ZRANB1: variants seen among roughly 807,000 people sequenced by gnomAD.
ZRANB1 encodes zinc finger RANBP2-type containing 1, also known as ubiquitin thioesterase ZRANB1.
Under a neutral mutation model 80.5 loss-of-function variants are expected in ZRANB1, and 16 were observed. The ratio of observed to expected loss-of-function variants is 0.20; its 90% CI spans 0.13 to 0.30. ZRANB1 has a LOEUF of 0.30. Ranked by LOEUF, ZRANB1 falls within the 10% of genes least tolerant of loss-of-function variation. ZRANB1 has a pLI of 1.00. For missense variants in ZRANB1, 576 were observed against 862.6 expected (o/e 0.67, Z 4.16); for synonymous variants, 291 against 293.1 (o/e 0.99, Z 0.07).
chr10:124,980,955 T>G (rs1343222796), intron 5 of ZRANB1, among the ~76,000 whole-genome samples: 1 of 152,180 alleles, frequency 6.6e-6, no homozygotes, highest in East Asian at 1.9e-4. Context: ...AGGAACAGAT[T>G]GGTCTTTTGT....
chr10:124,941,016 A>AAAAC (rs764620899), upstream of ZRANB1, among the ~76,000 whole-genome samples: 5 of 151,992 alleles, frequency 3.3e-5, no homozygotes, highest in African/African-American at 1.2e-4. Flanking sequence ...CAACAACAAA[A>AAAAC]AAACAAACAA....
intron 5 of ZRANB1, among the ~76,000 whole-genome samples, chr10:124,978,701 C>G (rs1473696273): frequency 1.3e-5 from 2 of 152,006 alleles, no homozygotes; most frequent in Non-Finnish European, 2.9e-5. Context: ...TCTTGGCTCA[C>G]TGTAACCTTA....
upstream of ZRANB1, among the ~76,000 whole-genome samples, chr10:124,939,731 C>T (rs999452010): frequency 6.6e-6 from 1 of 152,094 alleles, no homozygotes; most frequent in East Asian, 1.9e-4. Context: ...TCTACATGCT[C>T]ATTTTAATTT....
intron 5 of ZRANB1, among the ~76,000 whole-genome samples, chr10:124,974,733 T>C (rs1951860411): frequency 6.6e-6 from 1 of 152,242 alleles, no homozygotes; most frequent in South Asian, 2.1e-4. Flanking sequence ...TTTCAAGTTA[T>C]ATATAGTAGC....
chr10:124,970,955 A>T (rs569654209), intron 2 of ZRANB1, among the ~76,000 whole-genome samples: 1 of 147,856 alleles, frequency 6.8e-6, no homozygotes, highest in South Asian at 2.1e-4. Context: ...CTCATGCCTC[A>T]GCCTTCCAAA....
Position 124,943,326 on chromosome 10 carries a change from C to A in ZRANB1, c.814+19C>A, listed in dbSNP as rs369131916. 8.8e-6 allele frequency: 14 copies of A among 1,590,156 alleles called. No homozygotes were observed. The highest frequency in any genetic ancestry group is 1.8e-4 in the Middle Eastern group (1 of 5,580). On this transcript the variant is annotated intron_variant, in intron 1 of 8. Coordinates refer to ENST00000359653, the MANE Select transcript of ZRANB1 (RefSeq NM_017580.3). The stretch of plus-strand genomic sequence containing the variant: ...TGTGTGGGTAAGTTTCTGTATTCTG[C>A]ATTTTTTGCGTGGGATGGGAAAAGG...
chr10:124,922,557 ATC>A, the ZRANB1 span, among the ~76,000 whole-genome samples: 1 of 148,932 alleles, frequency 6.7e-6, no homozygotes, highest in Non-Finnish European at 1.5e-5. Context: ...CAATGGCACG[ATC>A]TCAGCTCACT....
At chr10:124,956,662 G>T (rs12355869) in intron 1 of ZRANB1, among the ~76,000 whole-genome samples, 23,886 of 151,980 alleles carry the variant, frequency 0.16, 1,928 homozygotes, top group East Asian at 0.21. Flanking sequence ...AGTAATGGCG[G>T]GGTTTCACCA....
intron 1 of ZRANB1, among the ~76,000 whole-genome samples, chr10:124,949,522 C>CT (rs1564957326): frequency 0.071 from 2,390 of 33,888 alleles, 37 homozygotes; most frequent in Non-Finnish European, 0.18. Flanking sequence ...CACACACACA[C>CT]ATTTTTTTTT....
At chr10:124,922,017 G>T in the ZRANB1 span, among the ~76,000 whole-genome samples, 1 of 151,824 alleles carries the variant, frequency 6.6e-6, no homozygotes, top group East Asian at 1.9e-4. Flanking sequence ...CCAGGCCAGA[G>T]TGCAGTGCTG....
the ZRANB1 span, among the ~76,000 whole-genome samples, chr10:124,917,990 A>G: frequency 6.6e-6 from 1 of 152,166 alleles, no homozygotes; most frequent in African/African-American, 2.4e-5. Flanking sequence ...CCGGCCCATT[A>G]TCTTTGAGAT....
chr10:124,954,078 C>T (rs1396919840), intron 1 of ZRANB1, among the ~76,000 whole-genome samples: 1 of 150,652 alleles, frequency 6.6e-6, no homozygotes, highest in East Asian at 1.9e-4. Flanking sequence ...GTGATTCTCC[C>T]ACTTTCAGCC....
At chr10:124,919,919 C>T in the ZRANB1 span, among the ~76,000 whole-genome samples, 7 of 120,754 alleles carry the variant, frequency 5.8e-5, no homozygotes, top group East Asian at 2.8e-4. Context: ...CCCCCCCCCC[C>T]CCTTTTTTTT....
chr10:124,921,020 G>A, the ZRANB1 span, among the ~76,000 whole-genome samples: 1 of 152,156 alleles, frequency 6.6e-6, no homozygotes, highest in African/African-American at 2.4e-5. Context: ...TTGAAACTAT[G>A]GCTGTCTCTT....
intron 2 of ZRANB1, 23 bp from the exon 3 acceptor site, chr10:124,971,942 G>A (rs1228805608): frequency 6.5e-7 from 1 of 1,548,986 alleles, no homozygotes; most frequent in African/African-American, 1.4e-5. Context: ...TGAGATGAGA[G>A]GAAGGTTTCT....
chr10:124,954,839 C>A (rs574303795), intron 1 of ZRANB1, among the ~76,000 whole-genome samples: 1 of 151,150 alleles, frequency 6.6e-6, no homozygotes, highest in African/African-American at 2.4e-5. Context: ...ACTTTAAAAC[C>A]GTCTAATTGG....
intron 1 of ZRANB1, among the ~76,000 whole-genome samples, chr10:124,956,332 G>A (rs1258252153): frequency 2.6e-5 from 4 of 151,952 alleles, no homozygotes; most frequent in Non-Finnish European, 4.4e-5. Context: ...GTTAAACTAG[G>A]CACACGGTTT....
At chr10:124,950,980 G>C (rs1951634280) in intron 1 of ZRANB1, among the ~76,000 whole-genome samples, 1 of 151,798 alleles carries the variant, frequency 6.6e-6, no homozygotes, top group Non-Finnish European at 1.5e-5. Flanking sequence ...CTTAAAACTT[G>C]CATGGTATTA....
At chr10:124,980,401 C>T (rs374803222) in intron 5 of ZRANB1, among the ~76,000 whole-genome samples, 7 of 152,274 alleles carry the variant, frequency 4.6e-5, no homozygotes, top group Non-Finnish European at 8.8e-5. Flanking sequence ...CATTGAATTT[C>T]TGGCTGGCTT....
Sources: allele counts gnomAD v4.1 joint callset (sites outside exome capture counted in the v4.1 genomes callset), GRCh38; gene constraint gnomAD v4.1.1; transcripts MANE v1.5; gene names NCBI Gene and HGNC (gene_info 2026-07-23, HGNC 2026-07-21).